The following SPOCK1 variants were observed in gnomAD, a reference collection of about 807,000 sequenced individuals.
SPOCK1 encodes SPARC (osteonectin), cwcv and kazal like domains proteoglycan 1, also known as testican-1.
SPOCK1 carries 23 observed loss-of-function variants against 55.3 expected under a neutral mutation model. That is an observed-to-expected ratio of 0.42 (90% CI 0.30 to 0.59). SPOCK1 has a LOEUF of 0.59. SPOCK1 is among the 20% of genes least tolerant of loss of function. The pLI is 0.22. For synonymous variants in SPOCK1, 226 were observed against 221.0 expected, an observed-to-expected ratio of 1.02 and a Z score of -0.20; for missense variants, 499 against 552.5, an observed-to-expected ratio of 0.90 and a Z score of 0.97.
intron 6 of SPOCK1, among the ~76,000 whole-genome samples, chr5:137,065,204 G>A (rs903110518): frequency 7.9e-5 from 11 of 138,692 alleles, no homozygotes; most frequent in African/African-American, 2.9e-4. Flanking sequence ...CTCCAGCACG[G>A]GTGACAGAGC....
At chr5:137,085,431 C>A (rs1752945262) in intron 5 of SPOCK1, among the ~76,000 whole-genome samples, 1 of 152,218 alleles carries the variant, frequency 6.6e-6, no homozygotes, top group Admixed American at 6.5e-5. Flanking sequence ...CACTCACCAT[C>A]TGCACAGAGA....
intron 6 of SPOCK1, among the ~76,000 whole-genome samples, chr5:137,056,636 G>A (rs77151090): frequency 0.01 from 1,535 of 151,644 alleles, 33 homozygotes; most frequent in African/African-American, 0.035. Flanking sequence ...GTCATTTTCC[G>A]GAGTATTTCT....
chr5:137,314,295 C>G (rs568071231), intron 2 of SPOCK1, among the ~76,000 whole-genome samples: 1 of 152,280 alleles, frequency 6.6e-6, no homozygotes, highest in South Asian at 2.1e-4. Flanking sequence ...TGGGACAATT[C>G]TTACTTTCTA....
At position 137,128,724 on chromosome 5, in the gene SPOCK1, C is replaced by G. The variant is rs1753822412; in HGVS notation, c.347+11856G>C. On this transcript the variant is annotated intron_variant, in intron 4 of 10. Transcript: ENST00000394945. ...GGGTCTGAGCCAGTGTCCTCATATG[C>G]TCTTAAACACTAGTAAATACTAATA... Among the ~76,000 whole-genome samples the G allele has an allele frequency of 2.6e-5, 4 of 152,176 alleles. No individual in the cohort carries two copies. In the South Asian group the frequency reaches 8.3e-4, roughly 31 times the overall value.
intron 3 of SPOCK1, among the ~76,000 whole-genome samples, chr5:137,265,005 C>A (rs1464445744): frequency 6.6e-6 from 1 of 152,138 alleles, no homozygotes. Context: ...TTAATCTGAG[C>A]AGACCCAGTT....
intron 2 of SPOCK1, among the ~76,000 whole-genome samples, chr5:137,481,502 T>A (rs1045849319): frequency 6.6e-6 from 1 of 152,222 alleles, no homozygotes; most frequent in African/African-American, 2.4e-5. Context: ...TAAACCACAT[T>A]TCTTGCCTGT....
chr5:137,107,724 C>A (rs1034694624), intron 5 of SPOCK1, among the ~76,000 whole-genome samples: 9 of 152,080 alleles, frequency 5.9e-5, no homozygotes, highest in Non-Finnish European at 1.3e-4. Context: ...CTATTGGGGG[C>A]CCGGAAGCAG....
At chr5:137,070,022 T>C (rs903602298) in intron 5 of SPOCK1, among the ~76,000 whole-genome samples, 2 of 152,116 alleles carry the variant, frequency 1.3e-5, no homozygotes, top group Non-Finnish European at 2.9e-5. Context: ...CACCTCCCTG[T>C]AGGAGGGTCA....
At chr5:137,202,204 C>T (rs778747278) in intron 3 of SPOCK1, among the ~76,000 whole-genome samples, 4 of 152,188 alleles carry the variant, frequency 2.6e-5, no homozygotes, top group Non-Finnish European at 5.9e-5. Flanking sequence ...ATCCTCACCA[C>T]TTCCAATCCC....
intron 5 of SPOCK1, among the ~76,000 whole-genome samples, chr5:137,094,589 A>C (rs1211279224): frequency 6.6e-6 from 1 of 152,256 alleles, no homozygotes; most frequent in African/African-American, 2.4e-5. Context: ...AAAAAATGCT[A>C]ACCATCACCT....
intron 2 of SPOCK1, among the ~76,000 whole-genome samples, chr5:137,399,668 G>A (rs1419562303): frequency 6.6e-6 from 1 of 152,074 alleles, no homozygotes; most frequent in African/African-American, 2.4e-5. Flanking sequence ...CGTAAAGAGA[G>A]ACCTCACCAA....
chr5:137,114,098 C>T (rs371725767), intron 4 of SPOCK1, among the ~76,000 whole-genome samples: 3 of 152,296 alleles, frequency 2.0e-5, no homozygotes, highest in East Asian at 3.9e-4. Flanking sequence ...AGAGGATCAA[C>T]AGGTACCCAC....
intron 4 of SPOCK1, among the ~76,000 whole-genome samples, chr5:137,138,504 T>TACATACACACAC (rs139399436): frequency 6.8e-6 from 1 of 147,606 alleles, no homozygotes; most frequent in Non-Finnish European, 1.5e-5. Flanking sequence ...CACACAAACA[T>TACATACACACAC]ACACACACAC....
intron 3 of SPOCK1, among the ~76,000 whole-genome samples, chr5:137,164,103 G>T (rs1477996483): frequency 6.6e-6 from 1 of 152,138 alleles, no homozygotes; most frequent in Admixed American, 6.5e-5. Flanking sequence ...ATTGCTTGCT[G>T]CCCCATAAAT....
In SPOCK1 at chr5:137,483,567, T is replaced by C. The variant is rs10080119; in HGVS notation, c.186+14806A>G. Among the ~76,000 whole-genome samples the C allele has an allele frequency of 4.7e-3, 720 of 152,282 alleles. 6 individuals are homozygous for C. Among genetic ancestry groups the C allele is most frequent in the African/African-American group, 0.017 (692 of 41,564 alleles). On this transcript the variant is annotated intron_variant, in intron 2 of 10. Transcript: ENST00000394945. ...CTCTTACCTTCATCCAGCTGGACTA[T>C]ATCTTACATTAAAAAATAATTATAA...
At chr5:137,078,769 A>G (rs1002860398) in intron 5 of SPOCK1, among the ~76,000 whole-genome samples, 6 of 151,916 alleles carry the variant, frequency 3.9e-5, no homozygotes, top group Non-Finnish European at 7.4e-5. Context: ...CTTCCTCCAT[A>G]CCCCAAAGCC....
intron 3 of SPOCK1, among the ~76,000 whole-genome samples, chr5:137,259,688 TAA>T (rs61576266): frequency 1.8e-4 from 23 of 130,188 alleles, no homozygotes; most frequent in Non-Finnish European, 2.1e-4. Context: ...CACATGAAAG[TAA>T]AAAAAAAAAA....
chr5:137,178,566 AGT>A (rs1754904171), intron 3 of SPOCK1, among the ~76,000 whole-genome samples: 1 of 152,238 alleles, frequency 6.6e-6, no homozygotes, highest in Admixed American at 6.5e-5. Flanking sequence ...CAGAGCAAGA[AGT>A]GAACTCAAAT....
chr5:137,224,603 AG>A (rs1755914192), intron 3 of SPOCK1, among the ~76,000 whole-genome samples: 1 of 152,244 alleles, frequency 6.6e-6, no homozygotes, highest in African/African-American at 2.4e-5. Flanking sequence ...ACCTGAAAGT[AG>A]CAAGCTGAAG....
Sources: allele counts gnomAD v4.1 joint callset (sites outside exome capture counted in the v4.1 genomes callset), GRCh38; gene constraint gnomAD v4.1.1; transcripts MANE v1.5; gene names NCBI Gene and HGNC (gene_info 2026-07-23, HGNC 2026-07-21).